Variants in PABPC1L observed in about 807,000 individuals in gnomAD.
The protein encoded by PABPC1L is polyadenylate-binding protein 1-like.
Under a neutral mutation model 66.6 loss-of-function variants are expected in PABPC1L, and 31 were observed. The observed-to-expected ratio is 0.47, with a 90% CI of 0.35 to 0.63. PABPC1L has a LOEUF of 0.63. Ranked by LOEUF, PABPC1L falls within the 20% of genes least tolerant of loss-of-function variation. PABPC1L has a pLI of 0.00. For missense variants in PABPC1L, 722 were observed against 848.8 expected (o/e 0.85, Z 1.86); for synonymous variants, 348 against 335.1 (o/e 1.04, Z -0.42).
rs776196373 is a variant in PABPC1L, at chr20:44,924,252, C to A, written c.968C>A (p.Ala323Glu). ...EFSPYGVITS[A>E]KVMTEGGHSK... The stretch of plus-strand genomic sequence containing the variant: ...TCTCCCTATGGAGTAATTACCAGTG[C>A]GAAGGTGAGGACTGGGGGCACCTCC... The change falls in exon 7 of 15, where the codon GCG becomes GAG. Residue 323 changes from alanine to glutamate, a missense_variant. This residue lies in a region of PABPC1L where 137 missense variants were observed against 216.8 expected (regional missense o/e 0.63). Coordinates refer to ENST00000217073, the MANE Select transcript of PABPC1L (RefSeq NM_001372179.1). 4 of 1,612,200 alleles carry A rather than the reference C, an allele frequency of 2.5e-6. No individual in the cohort carries two copies. The highest frequency in any genetic ancestry group is 3.4e-6 in the Non-Finnish European group (4 of 1,178,360).
At chr20:44,912,406 G>C (rs982473155) in intron 1 of PABPC1L, among the ~76,000 whole-genome samples, 3 of 152,166 alleles carry the variant, frequency 2.0e-5, no homozygotes, top group Admixed American at 6.5e-5. Context: ...TGCTCATGTG[G>C]CTGCAGGGAG....
chr20:44,932,236 C>G, intron 8 of PABPC1L, 106 bp from the exon 9 acceptor site: 2 of 776,208 alleles, frequency 2.6e-6, no homozygotes, highest in South Asian at 2.2e-5. Context: ...CTCACCAGTC[C>G]CTGCAGGAGC....
chr20:44,938,866 C>A, intron 14 of PABPC1L, 118 bp downstream of exon 14: 3 of 1,017,898 alleles, frequency 2.9e-6, no homozygotes, highest in South Asian at 1.5e-5. Context: ...TCTGAAGCAC[C>A]AAAGAGTTTG....
chr20:44,918,909 T>C lies in PABPC1L; in HGVS notation c.507T>C (p.Phe169=), dbSNP rs1389025091. The C allele has an allele frequency of 1.3e-6, 2 of 1,586,100 alleles. No individual in the cohort carries two copies. Among genetic ancestry groups the C allele is most frequent in the South Asian group, 1.2e-5 (1 of 85,316 alleles). Residue 169 remains phenylalanine, a synonymous_variant, in exon 4 of 15, where the codon TTT becomes TTC. Transcript: ENST00000217073. The part of the protein sequence containing the change: ...NGMLLNDRKV[F]VGHFKSRRER... The stretch of plus-strand genomic sequence containing the variant: ...AGCCAGTGTGTCATGTCCACAGCTT[T>C]GTGGGTCACTTCAAGTCTCGACGGG...
chr20:44,928,466 C>T (rs1350863978), intron 7 of PABPC1L, among the ~76,000 whole-genome samples: 1 of 152,070 alleles, frequency 6.6e-6, no homozygotes. Flanking sequence ...TGTTGTTGCC[C>T]ATATTCATAA....
chr20:44,936,767 G>C (rs1219607702), intron 12 of PABPC1L, 37 bp downstream of exon 12: 2 of 1,572,672 alleles, frequency 1.3e-6, no homozygotes, highest in Non-Finnish European at 1.7e-6. Flanking sequence ...AGCAAGAAGA[G>C]GAGGGCTGCG....
Position 44,910,333 on chromosome 20 carries a change from G to T in PABPC1L, c.190G>T (p.Asp64Tyr). Residue 64 changes from aspartate to tyrosine, a missense_variant, in exon 1 of 15, where the codon GAC becomes TAC. Transcript: ENST00000217073. ...YAYINFQQPA[D>Y]AERALDTMNF... ...CTACATCAACTTCCAGCAGCCCGCG[G>T]ACGGTGAGCCCCGGGGATGGGGCGG... The T allele has an allele frequency of 2.0e-6, 3 of 1,509,428 alleles. No individual in the cohort carries two copies. Among genetic ancestry groups the T allele is most frequent in the Non-Finnish European group, 2.7e-6 (3 of 1,121,582 alleles). 93.5% of individuals were successfully genotyped at this position (1,509,428 alleles called of 1,614,324 possible).
chr20:44,938,800 A>G (rs2066921708), intron 14 of PABPC1L, 52 bp downstream of exon 14: 1 of 1,541,928 alleles, frequency 6.5e-7, no homozygotes, highest in Admixed American at 1.9e-5. Context: ...CTGTAAGGAA[A>G]TAGGCAGGGA....
chr20:44,935,912 G>A lies in PABPC1L; in HGVS notation c.1566+415G>A, dbSNP rs139868093. On this transcript the variant is annotated intron_variant, in intron 11 of 14. Transcript: ENST00000217073. ...ATCATATCCTGTGTAGAATTTCAAT[G>A]TGTCTCTTTTGAACTATTTCCTGCA... 2.6e-3 allele frequency among the ~76,000 whole-genome samples: 399 copies of A among 152,224 alleles called. 1 individual carries two copies. Among genetic ancestry groups the A allele is most frequent in the Middle Eastern group, 6.8e-3 (2 of 294 alleles).
At chr20:44,938,004 G>A in intron 12 of PABPC1L, 57 bp from the exon 13 acceptor site, 12 of 1,609,856 alleles carry the variant, frequency 7.5e-6, no homozygotes, top group Non-Finnish European at 1.0e-5. Context: ...TACGAGCCCT[G>A]GGATGCTGGG....
intron 7 of PABPC1L, among the ~76,000 whole-genome samples, chr20:44,926,446 C>G (rs1005512863): frequency 6.6e-5 from 10 of 151,448 alleles, no homozygotes; most frequent in African/African-American, 1.9e-4. Context: ...GGGCTGGTCT[C>G]AAACTCCTGA....
chr20:44,918,772 G>C, intron 3 of PABPC1L, 134 bp from the exon 4 acceptor site: 1 of 1,069,018 alleles, frequency 9.4e-7, no homozygotes, highest in Non-Finnish European at 1.3e-6. Flanking sequence ...GTTCTAAGGA[G>C]TATTGTCCTG....
chr20:44,916,968 C>T, intron 3 of PABPC1L, 97 bp downstream of exon 3: 1 of 1,194,984 alleles, frequency 8.4e-7, no homozygotes, highest in Non-Finnish European at 1.2e-6. Flanking sequence ...TGCTAATGGG[C>T]ACCAGGCACT....
At chr20:44,925,898 T>C (rs931367147) in intron 7 of PABPC1L, among the ~76,000 whole-genome samples, 5 of 152,214 alleles carry the variant, frequency 3.3e-5, no homozygotes, top group African/African-American at 4.8e-5. Flanking sequence ...AGTCCTACCA[T>C]TACCTAGCTG....
At chr20:44,932,293 C>T in intron 8 of PABPC1L, 49 bp from the exon 9 acceptor site, 1 of 1,489,848 alleles carries the variant, frequency 6.7e-7, no homozygotes, top group Non-Finnish European at 9.2e-7. Context: ...TAGCTTCTCA[C>T]CTACCCTGCC....
intron 7 of PABPC1L, among the ~76,000 whole-genome samples, chr20:44,925,688 A>T (rs996512428): frequency 6.6e-6 from 1 of 152,202 alleles, no homozygotes; most frequent in African/African-American, 2.4e-5. Context: ...TTTGGAGGAA[A>T]AAAGGTTGTC....
chr20:44,924,914 T>A (rs894333256), intron 7 of PABPC1L, among the ~76,000 whole-genome samples: 3 of 151,378 alleles, frequency 2.0e-5, no homozygotes, highest in African/African-American at 4.9e-5. Context: ...TTTATTTTTT[T>A]TTTTTAAAGC....
At chr20:44,928,763 C>G (rs60284402) in intron 7 of PABPC1L, among the ~76,000 whole-genome samples, 1,798 of 144,934 alleles carry the variant, frequency 0.012, 30 homozygotes, top group African/African-American at 0.041. Context: ...ACTTGGGAGA[C>G]TGAGTTGAGA....
Position 44,938,164 on chromosome 20 carries a change from G to A in PABPC1L, c.1764G>A (p.Leu588=), listed in dbSNP as rs61736209. 1.2e-6 allele frequency: 2 copies of A among 1,614,030 alleles called. No homozygotes were observed. The highest frequency in any genetic ancestry group is 1.7e-5 in the Admixed American group (1 of 60,000). The part of the protein sequence containing the change: ...EIDNSELLLM[L]ESPESLHAKI... ...ACAACTCAGAGCTGTTGCTCATGCT[G>A]GAGTCTCCAGAATCCCTCCATGCCA... Residue 588 remains leucine, a synonymous_variant, in exon 13 of 15, where the codon CTG becomes CTA. Coordinates refer to ENST00000217073, the MANE Select transcript of PABPC1L (RefSeq NM_001372179.1).
Sources: gnomAD v4.1 joint callset for allele counts (sites outside exome capture counted in the v4.1 genomes callset) on GRCh38, gnomAD v4.1.1 for gene constraint, gnomAD v4.1.1 regional missense constraint, MANE v1.5 for transcripts, NCBI Gene and HGNC (gene_info 2026-07-23, HGNC 2026-07-21) for gene names.